SNTG1: variants seen among roughly 807,000 people sequenced by gnomAD.
SNTG1 encodes the protein gamma-1-syntrophin.
SNTG1 carries 39 observed loss-of-function variants against 74.7 expected under a neutral mutation model. The ratio of observed to expected loss-of-function variants is 0.52; its 90% CI spans 0.40 to 0.68. The LOEUF is 0.68. SNTG1 is among the 30% of genes least tolerant of loss of function. The pLI is 0.00. For missense variants in SNTG1, 685 were observed against 609.5 expected (o/e 1.12, Z -1.30); for synonymous variants, 254 against 217.1 (o/e 1.17, Z -1.49).
intron 2 of SNTG1, among the ~76,000 whole-genome samples, chr8:50,235,376 T>A (rs968918384): frequency 6.6e-6 from 1 of 152,168 alleles, no homozygotes; most frequent in African/African-American, 2.4e-5. Context: ...TTCACTCTTG[T>A]GGGACCCCAA....
chr8:50,120,659 T>G (rs1157091199), intron 1 of SNTG1, among the ~76,000 whole-genome samples: 1 of 142,006 alleles, frequency 7.0e-6, no homozygotes, highest in Non-Finnish European at 1.6e-5. Context: ...TCACCACCAC[T>G]ATTACCGCTG....
chr8:49,957,222 A>T (rs1440162405), intron 1 of SNTG1, among the ~76,000 whole-genome samples: 1 of 152,186 alleles, frequency 6.6e-6, no homozygotes, highest in African/African-American at 2.4e-5. Context: ...GTCTTGTCTC[A>T]TTCTCACAGT....
intron 1 of SNTG1, among the ~76,000 whole-genome samples, chr8:49,913,425 G>T (rs76832732): frequency 6.6e-6 from 1 of 152,178 alleles, no homozygotes; most frequent in African/African-American, 2.4e-5. Context: ...ATTGGAGGCC[G>T]TTACAGTGGC....
chr8:50,687,077 G>A (rs1194598691), intron 15 of SNTG1, among the ~76,000 whole-genome samples: 1 of 150,880 alleles, frequency 6.6e-6, no homozygotes, highest in Non-Finnish European at 1.5e-5. Flanking sequence ...GGAGCTTGCA[G>A]TGAGCCGAGA....
chr8:49,944,116 G>A (rs1355048051), intron 1 of SNTG1, among the ~76,000 whole-genome samples: 1 of 152,086 alleles, frequency 6.6e-6, no homozygotes, highest in Non-Finnish European at 1.5e-5. Context: ...ATATCCTTAT[G>A]TTGTGTACCT....
intron 15 of SNTG1, among the ~76,000 whole-genome samples, chr8:50,664,946 G>T (rs961388075): frequency 2.0e-5 from 3 of 152,122 alleles, no homozygotes; most frequent in African/African-American, 7.2e-5. Context: ...GGATCATTTT[G>T]TTTGTAGATA....
chr8:50,565,072 C>T (rs889121742), intron 12 of SNTG1, among the ~76,000 whole-genome samples: 3 of 151,930 alleles, frequency 2.0e-5, no homozygotes, highest in Non-Finnish European at 4.4e-5. Context: ...ATTTTCGTCC[C>T]CAAATCCATA....
chr8:50,004,794 C>T (rs1004353449), intron 1 of SNTG1, among the ~76,000 whole-genome samples: 2 of 152,164 alleles, frequency 1.3e-5, no homozygotes, highest in Non-Finnish European at 2.9e-5. Context: ...AGAAGAAGCA[C>T]CAGGTAGCCC....
intron 17 of SNTG1, among the ~76,000 whole-genome samples, chr8:50,740,608 A>G (rs1240621120): frequency 6.6e-6 from 1 of 152,102 alleles, no homozygotes; most frequent in Non-Finnish European, 1.5e-5. Flanking sequence ...AAAAATAGAA[A>G]TATTATTTAA....
At chr8:50,172,465 C>T (rs575119936) in intron 1 of SNTG1, 96 bp from the exon 2 acceptor site, 1 of 152,274 alleles carries the variant, frequency 6.6e-6, no homozygotes, top group East Asian at 1.9e-4. Context: ...GTCTTGTCTT[C>T]CTCATGGGTA....
intron 9 of SNTG1, among the ~76,000 whole-genome samples, chr8:50,518,734 A>G (rs1262680965): frequency 1.3e-5 from 2 of 152,192 alleles, no homozygotes; most frequent in Admixed American, 6.5e-5. Flanking sequence ...GAACACATAC[A>G]CCCTCCCAAG....
rs1041004680 is a variant in SNTG1 at position 50,075,792 on chromosome 8, C to T, written c.-102-96769C>T. ...TGGGAGGAATGAACAACTCCAGACG[C>T]GCCGCCTTAAGAGCTATAACACTCA... On this transcript the variant is annotated intron_variant, in intron 1 of 18. Coordinates refer to ENST00000642720, the MANE Select transcript of SNTG1 (RefSeq NM_018967.5). Among the ~76,000 whole-genome samples the T allele has an allele frequency of 3.9e-5, 6 of 152,256 alleles. No homozygotes were observed. In the East Asian group the frequency reaches 9.7e-4, roughly 25 times the overall value.
rs1341261036 is a variant in SNTG1 at position 50,376,764 on chromosome 8, G to T, written c.-27-17448G>T. ...ATATATATATATATATATAGAGAGA[G>T]AGAGAGAGAGAGAGAGAGAGAATAG... On this transcript the variant is annotated intron_variant, in intron 2 of 18. Transcript: ENST00000642720. 3.3e-3 allele frequency among the ~76,000 whole-genome samples: 451 copies of T among 138,170 alleles called. 1 individual carries two copies. Among genetic ancestry groups the T allele is most frequent in the Non-Finnish European group, 4.8e-3 (296 of 62,142 alleles). 90.6% of individuals were successfully genotyped at this position (138,170 alleles called of 152,430 possible).
intron 2 of SNTG1, among the ~76,000 whole-genome samples, chr8:50,260,560 A>G (rs59313993): frequency 0.02 from 3,062 of 151,996 alleles, 112 homozygotes; most frequent in African/African-American, 0.069. Flanking sequence ...TATTCTAAAA[A>G]GCAAAAGAGA....
At chr8:50,032,118 G>A (rs181785028) in intron 1 of SNTG1, among the ~76,000 whole-genome samples, 1 of 152,120 alleles carries the variant, frequency 6.6e-6, no homozygotes, top group Admixed American at 6.6e-5. Context: ...GATGGCTATG[G>A]TGACTGTAGT....
intron 18 of SNTG1, chr8:50,762,494 G>T: frequency 2.8e-6 from 1 of 362,090 alleles, no homozygotes; most frequent in Non-Finnish European, 5.5e-6. Flanking sequence ...CAACTCATTA[G>T]TAGCTTTTTT....
intron 9 of SNTG1, among the ~76,000 whole-genome samples, chr8:50,509,047 G>A (rs1383727702): frequency 6.6e-6 from 1 of 152,102 alleles, no homozygotes; most frequent in Admixed American, 6.6e-5. Context: ...GGTTTTTATG[G>A]TTTTAGGTCT....
chr8:50,035,041 G>T (rs1183192306), intron 1 of SNTG1, among the ~76,000 whole-genome samples: 1 of 152,116 alleles, frequency 6.6e-6, no homozygotes, highest in Non-Finnish European at 1.5e-5. Flanking sequence ...GCCCCACATA[G>T]TTCCCACTAG....
rs1465407425 is a variant in SNTG1, at chr8:49,973,710, C to T, written c.-103+61479C>T. On this transcript the variant is annotated intron_variant, in intron 1 of 18. Coordinates refer to ENST00000642720, the MANE Select transcript of SNTG1 (RefSeq NM_018967.5). ...GTATTCCTGTTCATTTGGCATAGATCAAATCAGTTGAACTTAAAACTGTAG... is the reference window on the plus strand; with the variant it reads ...GTATTCCTGTTCATTTGGCATAGATTAAATCAGTTGAACTTAAAACTGTAG... 2.0e-5 allele frequency among the ~76,000 whole-genome samples: 3 copies of T among 152,026 alleles called. No homozygotes were observed. The East Asian group carries it at 5.8e-4, about 29-fold the overall frequency.
Sources: allele counts gnomAD v4.1 joint callset (sites outside exome capture counted in the v4.1 genomes callset), GRCh38; gene constraint gnomAD v4.1.1; transcripts MANE v1.5; gene names NCBI Gene and HGNC (gene_info 2026-07-23, HGNC 2026-07-21).